Variants in DDC observed in about 807,000 individuals in gnomAD.
DDC encodes dopa decarboxylase.
A neutral mutation model predicts 60.0 loss-of-function variants in DDC; 43 were observed. The observed-to-expected ratio is 0.72, with a 90% CI of 0.56 to 0.92. The LOEUF is 0.92. DDC is among the 40% of genes least tolerant of loss of function. DDC has a pLI of 0.00. For missense variants in DDC, 573 were observed against 620.2 expected (o/e 0.92, Z 0.81); for synonymous variants, 232 against 234.6 (o/e 0.99, Z 0.10).
intron 1 of DDC, among the ~76,000 whole-genome samples, chr7:50,544,334 A>G (rs538006684): frequency 2.6e-5 from 4 of 152,320 alleles, no homozygotes; most frequent in South Asian, 4.1e-4. Flanking sequence ...TTCACCAGCT[A>G]TTCAACTGGG....
intron 2 of DDC, among the ~76,000 whole-genome samples, chr7:50,541,773 C>T (rs1261759676): frequency 2.0e-5 from 3 of 152,222 alleles, no homozygotes; most frequent in Non-Finnish European, 4.4e-5. Flanking sequence ...ATATCTCTTA[C>T]AATCTGAGAA....
At chr7:50,474,380 A>G (rs192139856) in intron 11 of DDC, among the ~76,000 whole-genome samples, 87 of 152,342 alleles carry the variant, frequency 5.7e-4, no homozygotes, top group African/African-American at 2.0e-3. Context: ...CATGAGGGTC[A>G]GGGACTGGTG....
At chr7:50,547,455 G>T (rs553019549) in intron 1 of DDC, among the ~76,000 whole-genome samples, 1 of 152,094 alleles carries the variant, frequency 6.6e-6, no homozygotes, top group Non-Finnish European at 1.5e-5. Context: ...GATCTCAAGT[G>T]TTCTGTCTGC....
intron 3 of DDC, among the ~76,000 whole-genome samples, chr7:50,538,491 G>GT (rs1321410659): frequency 6.6e-6 from 1 of 152,198 alleles, no homozygotes; most frequent in East Asian, 1.9e-4. Context: ...AACATAAGGG[G>GT]TCCAAGATGT....
At chr7:50,472,815 G>A (rs753957158) in intron 11 of DDC, among the ~76,000 whole-genome samples, 49 of 152,168 alleles carry the variant, frequency 3.2e-4, no homozygotes, top group Non-Finnish European at 5.7e-4. Flanking sequence ...ACGGGGGATA[G>A]AACTACCAGG....
intron 1 of DDC, among the ~76,000 whole-genome samples, chr7:50,551,435 G>A (rs2044990418): frequency 6.6e-6 from 1 of 151,902 alleles, no homozygotes. Context: ...GTTTCACCAT[G>A]TTGGCCAGGC....
chr7:50,491,219 G>A (rs908580733), intron 9 of DDC, among the ~76,000 whole-genome samples: 11 of 152,142 alleles, frequency 7.2e-5, no homozygotes, highest in African/African-American at 1.2e-4. Flanking sequence ...ATTTATATAC[G>A]TAAATCACTT....
At chr7:50,540,095 C>A in intron 2 of DDC, 67 bp from the exon 3 acceptor site, 1 of 1,246,852 alleles carries the variant, frequency 8.0e-7, no homozygotes, top group South Asian at 1.3e-5. Flanking sequence ...GCGGGGGACC[C>A]AGGTACCCCC....
chr7:50,529,245 G>T lies in DDC; in HGVS notation c.533C>A (p.Ala178Asp), dbSNP rs202191889. 1 of 1,613,846 alleles carries T rather than the reference G, an allele frequency of 6.2e-7. No homozygotes were observed. The highest frequency in any genetic ancestry group is 2.2e-5 in the East Asian group (1 of 44,872). The change falls in exon 5 of 15, where the codon GCT (alanine) becomes GAT (aspartate). Residue 178 changes from alanine (A) to aspartate (D), a missense_variant. Transcript: ENST00000444124. ...GTAAGCCACCAGCTTCTCCATGATA[G>T]CGGCCTGTGTGAGCTCTGGGGACGC... is the stretch of plus-strand genomic sequence containing the variant. ...QAASPELTQAAIMEKLVAYSS... is the reference protein window; with the variant it reads ...QAASPELTQADIMEKLVAYSS...
intron 14 of DDC, 88 bp downstream of exon 14, chr7:50,463,125 C>T: frequency 9.5e-7 from 1 of 1,056,780 alleles, no homozygotes; most frequent in Non-Finnish European, 1.4e-6. Flanking sequence ...AGTGGCCGGG[C>T]TGGGCCTGTA....
chr7:50,552,905 A>G (rs912491470), intron 1 of DDC, among the ~76,000 whole-genome samples: 1 of 152,136 alleles, frequency 6.6e-6, no homozygotes, highest in Non-Finnish European at 1.5e-5. Context: ...AGCCCCTCCC[A>G]CCATTGAGTC....
chr7:50,466,123 G>C (rs185009664), intron 13 of DDC, among the ~76,000 whole-genome samples: 1 of 152,188 alleles, frequency 6.6e-6, no homozygotes, highest in Non-Finnish European at 1.5e-5. Flanking sequence ...ACCCCAGCCT[G>C]CTCCTTCTCC....
rs546683944 is a variant in DDC at position 50,467,451 on chromosome 7, C to A, written c.1141-136G>T. On this transcript the variant is annotated intron_variant, in intron 12 of 14. Transcript: ENST00000444124. ...GGCAATTTTCCTCAAGTGCTTTTAC[C>A]GTTCACTGACCAGCTGTTTCCAGGC... 45 of 718,556 alleles carry A rather than the reference C, an allele frequency of 6.3e-5. No individual in the cohort carries two copies. In the South Asian group the frequency reaches 6.5e-4, roughly 10 times the overall value. 44.5% of individuals were successfully genotyped at this position (718,556 alleles called of 1,614,324 possible). A position where few individuals can be genotyped will look rare whatever the true frequency, so the allele number is the denominator to read the frequency against.
chr7:50,496,871 G>C (rs977346252), intron 8 of DDC, among the ~76,000 whole-genome samples: 1 of 152,180 alleles, frequency 6.6e-6, no homozygotes, highest in Non-Finnish European at 1.5e-5. Context: ...GGGGCGTCCT[G>C]GGAGGCATTT....
intron 8 of DDC, among the ~76,000 whole-genome samples, chr7:50,497,549 A>G (rs1193017642): frequency 6.6e-6 from 1 of 152,190 alleles, no homozygotes; most frequent in East Asian, 1.9e-4. Flanking sequence ...GTTTCAAATA[A>G]TGGAGATTAT....
chr7:50,493,406 T>A (rs12718558), intron 9 of DDC, among the ~76,000 whole-genome samples: 80,587 of 151,936 alleles, frequency 0.53, 21,551 homozygotes, highest in Non-Finnish European at 0.57. Flanking sequence ...AACAAAAGCA[T>A]GTAGGGAGAG....
At chr7:50,539,664 C>T (rs1397179340) in intron 3 of DDC, among the ~76,000 whole-genome samples, 1 of 152,200 alleles carries the variant, frequency 6.6e-6, no homozygotes, top group Admixed American at 6.5e-5. Flanking sequence ...GATGTTAGTT[C>T]ATACCAAGTG....
chr7:50,544,152 C>A lies in DDC; in HGVS notation c.-28-39G>T, dbSNP rs1252401565. ...ATGATTCAGTGAGCAAATTTTGCAACCTCTGAACTGGAAGGCGGGGATACC... is the reference window on the plus strand; with the variant it reads ...ATGATTCAGTGAGCAAATTTTGCAAACTCTGAACTGGAAGGCGGGGATACC... On this transcript the variant is annotated intron_variant, in intron 1 of 14. Transcript: ENST00000444124. 4 of 1,506,844 alleles carry A rather than the reference C, an allele frequency of 2.7e-6. No individual in the cohort carries two copies. The South Asian group carries it at 4.5e-5, about 17-fold the overall frequency. The allele number at this position is 1,506,844 out of a possible 1,614,324, so 93.3% of individuals were successfully genotyped here. A position where few individuals can be genotyped will look rare whatever the true frequency, so the allele number is the denominator to read the frequency against.
At chr7:50,560,026 T>C (rs546075837) in intron 1 of DDC, among the ~76,000 whole-genome samples, 1 of 152,294 alleles carries the variant, frequency 6.6e-6, no homozygotes, top group Non-Finnish European at 1.5e-5. Context: ...TTGATTTTGT[T>C]TCCTTCAGAA....
Sources: allele counts gnomAD v4.1 joint callset (sites outside exome capture counted in the v4.1 genomes callset), GRCh38; gene constraint gnomAD v4.1.1; transcripts MANE v1.5; gene names NCBI Gene and HGNC (gene_info 2026-07-23, HGNC 2026-07-21).